Variants in HS6ST1 observed in about 807,000 individuals in gnomAD.
HS6ST1 encodes the protein heparan-sulfate 6-O-sulfotransferase 1.
Under a neutral mutation model 25.2 loss-of-function variants are expected in HS6ST1, and 3 were observed. That is an observed-to-expected ratio of 0.12 (90% CI 0.05 to 0.31). The LOEUF is 0.31. Among genes scored for constraint, HS6ST1 ranks in the 10% least tolerant of loss-of-function variants. The pLI, the probability that HS6ST1 is intolerant of heterozygous loss-of-function variation, is 1.00. For missense variants in HS6ST1, 310 were observed against 609.6 expected (o/e 0.51, Z 5.18); for synonymous variants, 204 against 275.1 (o/e 0.74, Z 2.56).
chr2:128,308,409 G>A (rs913919038), intron 1 of HS6ST1, among the ~76,000 whole-genome samples: 22 of 152,190 alleles, frequency 1.4e-4, no homozygotes, highest in African/African-American at 4.8e-5. Context: ...TCAGCCAGGC[G>A]AGCCTCTGTG....
Position 128,265,482 on chromosome 2 carries a change from C to T in HS6ST1, c.*2680G>A, listed in dbSNP as rs557324250. Reference sequence around the variant, plus strand: ...AGAGACCACAGCACACCCGCCACTCCTTGTCAGGGTTTATTTCATCAGCTA... The same window carrying T: ...AGAGACCACAGCACACCCGCCACTCTTTGTCAGGGTTTATTTCATCAGCTA... On this transcript the variant is annotated 3_prime_UTR_variant, in exon 2 of 2. Coordinates refer to ENST00000259241, the MANE Select transcript of HS6ST1 (RefSeq NM_004807.3). 2.6e-5 allele frequency: 4 copies of T among 152,250 alleles called. No homozygotes were observed. Among genetic ancestry groups the T allele is most frequent in the Admixed American group, 6.5e-5 (1 of 15,294 alleles). The allele number at this position is 152,250 out of a possible 1,614,324, so 9.4% of individuals were successfully genotyped here. A position where few individuals can be genotyped will look rare whatever the true frequency, so the allele number is the denominator to read the frequency against.
chr2:128,281,670 A>T (rs1434265675), intron 1 of HS6ST1, among the ~76,000 whole-genome samples: 2 of 152,086 alleles, frequency 1.3e-5, no homozygotes, highest in Non-Finnish European at 2.9e-5. Context: ...AAAGGGAGGG[A>T]AATAAAAAAT....
intron 1 of HS6ST1, among the ~76,000 whole-genome samples, chr2:128,280,312 C>G (rs1693765923): frequency 6.6e-6 from 1 of 152,262 alleles, no homozygotes; most frequent in African/African-American, 2.4e-5. Context: ...TCAGGCGCAG[C>G]TCTCCAGGGC....
At chr2:128,272,934 C>A (rs990941354) in intron 1 of HS6ST1, among the ~76,000 whole-genome samples, 5 of 152,136 alleles carry the variant, frequency 3.3e-5, no homozygotes, top group African/African-American at 1.2e-4. Context: ...CTAGCAGGCA[C>A]CAACAGGGGC....
intron 1 of HS6ST1, among the ~76,000 whole-genome samples, chr2:128,276,158 C>T (rs1038432360): frequency 6.6e-5 from 10 of 152,194 alleles, no homozygotes; most frequent in South Asian, 2.1e-4. Flanking sequence ...GAGACAGTCT[C>T]GCTCTGTTGC....
chr2:128,296,390 G>A (rs940683089), intron 1 of HS6ST1, among the ~76,000 whole-genome samples: 1 of 152,170 alleles, frequency 6.6e-6, no homozygotes, highest in African/African-American at 2.4e-5. Flanking sequence ...TAAGTAAAAG[G>A]TATTCAGATT....
At position 128,268,432 on chromosome 2, in the gene HS6ST1, C is replaced by T. The variant is rs776902940; in HGVS notation, c.966G>A (p.Thr322=). ...FIRPFMQYNS[T]RAGGVEVDED... is the part of the protein sequence containing the mutation. ...CATCCACCTCCACGCCGCCCGCCCG[C>T]GTGCTATTGTACTGCATGAAGGGCC... Residue 322 remains threonine, a synonymous_variant, in exon 2 of 2, where the codon ACG becomes ACA. Transcript: ENST00000259241. 1.4e-5 allele frequency: 23 copies of T among 1,613,648 alleles called. 1 individual carries two copies. The South Asian group carries it at 1.4e-4, about 10-fold the overall frequency.
At chr2:128,270,501 G>A (rs1221700853) in intron 1 of HS6ST1, among the ~76,000 whole-genome samples, 1 of 152,244 alleles carries the variant, frequency 6.6e-6, no homozygotes, top group Non-Finnish European at 1.5e-5. Flanking sequence ...AAGGGCCAGA[G>A]GGCGGGACCT....
intron 1 of HS6ST1, among the ~76,000 whole-genome samples, chr2:128,294,785 CCCA>C (rs1472051263): frequency 6.6e-6 from 1 of 151,896 alleles, no homozygotes; most frequent in Non-Finnish European, 1.5e-5. Context: ...CTGACTGTGG[CCCA>C]CAAGGTACAG....
At chr2:128,293,906 A>G (rs1328980516) in intron 1 of HS6ST1, among the ~76,000 whole-genome samples, 2 of 152,206 alleles carry the variant, frequency 1.3e-5, no homozygotes, top group African/African-American at 4.8e-5. Flanking sequence ...TGAGCCAGGC[A>G]GAAGCTGACC....
chr2:128,293,963 G>A (rs1693996847), intron 1 of HS6ST1, among the ~76,000 whole-genome samples: 1 of 152,194 alleles, frequency 6.6e-6, no homozygotes, highest in Non-Finnish European at 1.5e-5. Context: ...ACAGGTTGGG[G>A]GTCCATGCTG....
At chr2:128,287,884 G>C (rs1018390073) in intron 1 of HS6ST1, among the ~76,000 whole-genome samples, 5 of 152,230 alleles carry the variant, frequency 3.3e-5, no homozygotes, top group Admixed American at 6.5e-5. Context: ...GGCCCTGCGG[G>C]GCTGCTCGCC....
At chr2:128,298,528 G>T (rs546833844) in intron 1 of HS6ST1, among the ~76,000 whole-genome samples, 1 of 152,252 alleles carries the variant, frequency 6.6e-6, no homozygotes, top group African/African-American at 2.4e-5. Flanking sequence ...AAATATGGAT[G>T]AACCTTAAAG....
intron 1 of HS6ST1, among the ~76,000 whole-genome samples, chr2:128,306,112 G>C (rs17016137): frequency 6.6e-6 from 1 of 152,132 alleles, no homozygotes; most frequent in Non-Finnish European, 1.5e-5. Flanking sequence ...GCAAAACAGC[G>C]CCCCTGACAG....
intron 1 of HS6ST1, among the ~76,000 whole-genome samples, chr2:128,312,490 T>C (rs1440869811): frequency 1.3e-5 from 2 of 152,190 alleles, no homozygotes; most frequent in Admixed American, 6.5e-5. Context: ...CTGTTCCTCA[T>C]AGAGGCGGAA....
intron 1 of HS6ST1, among the ~76,000 whole-genome samples, chr2:128,293,542 G>A (rs1693991794): frequency 6.6e-6 from 1 of 152,238 alleles, no homozygotes. Context: ...AAGGAGAGCA[G>A]CAGCAGACCA....
intron 1 of HS6ST1, among the ~76,000 whole-genome samples, chr2:128,304,537 A>G (rs1332039477): frequency 1.4e-5 from 1 of 69,860 alleles, no homozygotes; most frequent in East Asian, 7.7e-4. Context: ...CTGCCTTGCT[A>G]ATGGACAGCT....
At chr2:128,310,927 C>G (rs1264364521) in intron 1 of HS6ST1, among the ~76,000 whole-genome samples, 1 of 152,168 alleles carries the variant, frequency 6.6e-6, no homozygotes, top group Non-Finnish European at 1.5e-5. Flanking sequence ...CCACTGCCCC[C>G]CCTTGCTGTG....
intron 1 of HS6ST1, among the ~76,000 whole-genome samples, chr2:128,274,420 C>T (rs1693659319): frequency 6.6e-6 from 1 of 152,152 alleles, no homozygotes; most frequent in South Asian, 2.1e-4. Flanking sequence ...AATCTCATAC[C>T]CAGCCAAACT....
Sources: gnomAD v4.1 joint callset for allele counts (sites outside exome capture counted in the v4.1 genomes callset) on GRCh38, gnomAD v4.1.1 for gene constraint, MANE v1.5 for transcripts, NCBI Gene and HGNC (gene_info 2026-07-23, HGNC 2026-07-21) for gene names.